The following LRMDA variants were observed in gnomAD, a reference collection of about 807,000 sequenced individuals.
The protein encoded by LRMDA is leucine-rich melanocyte differentiation-associated protein.
LRMDA carries 18 observed loss-of-function variants against 29.8 expected under a neutral mutation model. The observed-to-expected ratio is 0.60, with a 90% confidence interval of 0.42 to 0.90. The LOEUF is 0.90. Ranked by LOEUF, LRMDA falls within the 40% of genes least tolerant of loss-of-function variation. The pLI is 0.00. For missense variants in LRMDA, 273 were observed against 273.9 expected (o/e 1.00, Z 0.02); for synonymous variants, 125 against 109.4 (o/e 1.14, Z -0.89).
intron 2 of LRMDA, among the ~76,000 whole-genome samples, chr10:75,884,275 GTGT>G (rs1845344897): frequency 6.8e-6 from 1 of 146,226 alleles, no homozygotes; most frequent in Non-Finnish European, 1.5e-5. Flanking sequence ...GTGTGTGTGT[GTGT>G]GTGTGTGTGT....
chr10:75,691,118 C>A (rs1177040668), intron 2 of LRMDA, among the ~76,000 whole-genome samples: 3 of 66,434 alleles, frequency 4.5e-5, no homozygotes, highest in Non-Finnish European at 5.1e-5. Context: ...ATCTATATAT[C>A]TATATACATA....
intron 5 of LRMDA, among the ~76,000 whole-genome samples, chr10:76,271,789 A>G (rs4503472): frequency 0.56 from 85,519 of 152,114 alleles, 25,375 homozygotes; most frequent in African/African-American, 0.77. Flanking sequence ...CTTATAGTTT[A>G]GCATCTTTGC....
intron 6 of LRMDA, among the ~76,000 whole-genome samples, chr10:76,427,459 T>C (rs367616600): frequency 2.0e-4 from 30 of 152,260 alleles, no homozygotes; most frequent in Admixed American, 3.3e-4. Context: ...ATTTTGTATC[T>C]TGAGACTTTG....
chr10:76,441,701 T>A (rs1434934314), intron 6 of LRMDA, among the ~76,000 whole-genome samples: 2 of 152,106 alleles, frequency 1.3e-5, no homozygotes, highest in Non-Finnish European at 2.9e-5. Context: ...TCTGCCCCCC[T>A]CTCCTCTCCC....
At chr10:75,504,951 T>A (rs1845154522) in intron 2 of LRMDA, among the ~76,000 whole-genome samples, 1 of 152,048 alleles carries the variant, frequency 6.6e-6, no homozygotes. Context: ...TGTAGGTAGA[T>A]CATGTCATCC....
chr10:75,600,802 G>A (rs1263771735), intron 2 of LRMDA, among the ~76,000 whole-genome samples: 3 of 152,254 alleles, frequency 2.0e-5, no homozygotes, highest in African/African-American at 4.8e-5. Flanking sequence ...TGGACCTTTT[G>A]AAGAAATGTT....
chr10:75,842,850 C>T (rs531265830), intron 2 of LRMDA, among the ~76,000 whole-genome samples: 1 of 150,626 alleles, frequency 6.6e-6, no homozygotes, highest in Non-Finnish European at 1.5e-5. Flanking sequence ...AGTGAGACCC[C>T]TGTTTCTTAA....
At chr10:75,851,135 G>T (rs1844726263) in intron 2 of LRMDA, among the ~76,000 whole-genome samples, 1 of 152,128 alleles carries the variant, frequency 6.6e-6, no homozygotes, top group South Asian at 2.1e-4. Context: ...CCATTATCTT[G>T]TGTCTAGAAC....
At chr10:76,152,304 G>A (rs989242948) in intron 5 of LRMDA, among the ~76,000 whole-genome samples, 1 of 152,076 alleles carries the variant, frequency 6.6e-6, no homozygotes, top group Non-Finnish European at 1.5e-5. Flanking sequence ...TCTTTCATTT[G>A]GCATAGTGTT....
chr10:75,628,635 G>C (rs559744483), intron 2 of LRMDA, among the ~76,000 whole-genome samples: 1 of 152,296 alleles, frequency 6.6e-6, no homozygotes, highest in Non-Finnish European at 1.5e-5. Context: ...TCCACAGCTT[G>C]GTTCTGCTTG....
chr10:76,202,272 A>G (rs546145510), intron 5 of LRMDA, among the ~76,000 whole-genome samples: 4 of 152,310 alleles, frequency 2.6e-5, no homozygotes, highest in African/African-American at 9.6e-5. Context: ...TTACACTGCC[A>G]CATCAAGTTT....
chr10:75,535,852 T>C (rs917987573), intron 2 of LRMDA, among the ~76,000 whole-genome samples: 2 of 152,140 alleles, frequency 1.3e-5, no homozygotes, highest in African/African-American at 4.8e-5. Context: ...GAGGAGGCAG[T>C]GTGGTCTACT....
intron 5 of LRMDA, among the ~76,000 whole-genome samples, chr10:76,063,233 T>C (rs1354101145): frequency 6.6e-6 from 1 of 152,222 alleles, no homozygotes; most frequent in Non-Finnish European, 1.5e-5. Context: ...TCCATCCTCA[T>C]AGGGAAGATG....
intron 2 of LRMDA, among the ~76,000 whole-genome samples, chr10:75,635,535 A>T (rs546371330): frequency 6.6e-6 from 1 of 152,272 alleles, no homozygotes; most frequent in Admixed American, 6.5e-5. Context: ...ATGTACCAGG[A>T]GGCCTAATTT....
At chr10:75,991,245 A>C (rs1016864069) in intron 2 of LRMDA, among the ~76,000 whole-genome samples, 4 of 152,192 alleles carry the variant, frequency 2.6e-5, no homozygotes, top group Non-Finnish European at 5.9e-5. Context: ...AGTGGAAGAT[A>C]GGGAATATAG....
intron 6 of LRMDA, among the ~76,000 whole-genome samples, chr10:76,328,422 A>C (rs1223295589): frequency 6.6e-6 from 1 of 152,222 alleles, no homozygotes; most frequent in African/African-American, 2.4e-5. Flanking sequence ...TGAGGAGTGC[A>C]AATATTTTTC....
chr10:76,169,016 A>G (rs1053963990), intron 5 of LRMDA, among the ~76,000 whole-genome samples: 2 of 152,186 alleles, frequency 1.3e-5, no homozygotes, highest in Non-Finnish European at 2.9e-5. Context: ...ACATTCTAGG[A>G]GGGAAAAAGA....
At chr10:75,922,352 G>A (rs1846041261) in intron 2 of LRMDA, among the ~76,000 whole-genome samples, 1 of 152,174 alleles carries the variant, frequency 6.6e-6, no homozygotes, top group Non-Finnish European at 1.5e-5. Flanking sequence ...ATATCAGAAT[G>A]GTTGAGATGA....
chr10:75,517,082 A>C (rs1845298797), intron 2 of LRMDA, among the ~76,000 whole-genome samples: 1 of 152,120 alleles, frequency 6.6e-6, no homozygotes, highest in African/African-American at 2.4e-5. Flanking sequence ...TACCAGTACC[A>C]TGCTGTTTTG....
Sources: gnomAD v4.1 joint callset for allele counts (sites outside exome capture counted in the v4.1 genomes callset) on GRCh38, gnomAD v4.1.1 for gene constraint, MANE v1.5 for transcripts, NCBI Gene and HGNC (gene_info 2026-07-23, HGNC 2026-07-21) for gene names.